The following PAXBP1 variants were observed in gnomAD, a reference collection of about 807,000 sequenced individuals.
PAXBP1 encodes PAX3 and PAX7 binding protein 1.
A neutral mutation model predicts 119.9 loss-of-function variants in PAXBP1; 44 were observed. The observed-to-expected ratio is 0.37, with a 90% confidence interval of 0.29 to 0.47. The LOEUF (loss-of-function observed/expected upper bound fraction) is 0.47. Among genes scored for constraint, PAXBP1 ranks in the 20% least tolerant of loss-of-function variants. The pLI is 0.99. For synonymous variants in PAXBP1, 393 were observed against 406.6 expected (o/e 0.97, Z 0.40); for missense variants, 898 against 1,134.1 (o/e 0.79, Z 2.99).
intron 11 of PAXBP1, among the ~76,000 whole-genome samples, chr21:32,746,254 A>G (rs775727870): frequency 6.6e-6 from 1 of 152,234 alleles, no homozygotes; most frequent in Non-Finnish European, 1.5e-5. Flanking sequence ...AACAAAAGCA[A>G]AAATTGACAA....
chr21:32,764,710 TGTGA>T (rs2044211263), intron 2 of PAXBP1, among the ~76,000 whole-genome samples, 186 bp from the exon 3 acceptor site: 2 of 152,332 alleles, frequency 1.3e-5, no homozygotes, highest in Admixed American at 1.3e-4. Context: ...CTCTTGAGTG[TGTGA>T]GTATGAAACA....
At chr21:32,769,246 C>T (rs1442606592) in intron 2 of PAXBP1, among the ~76,000 whole-genome samples, 1 of 152,010 alleles carries the variant, frequency 6.6e-6, no homozygotes, top group Non-Finnish European at 1.5e-5. Flanking sequence ...GACAAAATAA[C>T]CGCTTAAAAT....
At chr21:32,741,605 G>GA in intron 15 of PAXBP1, 1 of 755,560 alleles carries the variant, frequency 1.3e-6, no homozygotes, top group Non-Finnish European at 2.4e-6. Context: ...ACCCTCTCTG[G>GA]AATGGGGGTT....
intron 15 of PAXBP1, chr21:32,741,325 T>G: frequency 4.6e-6 from 2 of 437,010 alleles, no homozygotes; most frequent in South Asian, 3.6e-5. Flanking sequence ...TGAAAATTAC[T>G]GACAAGAGGC....
At chr21:32,748,945 T>C (rs1163209504) in intron 10 of PAXBP1, among the ~76,000 whole-genome samples, 1 of 152,222 alleles carries the variant, frequency 6.6e-6, no homozygotes, top group African/African-American at 2.4e-5. Context: ...CTACCACAGT[T>C]TGGCTAAATA....
intron 10 of PAXBP1, among the ~76,000 whole-genome samples, 157 bp downstream of exon 10, chr21:32,750,760 A>G (rs1373866776): frequency 2.0e-5 from 3 of 152,204 alleles, no homozygotes; most frequent in Non-Finnish European, 2.9e-5. Context: ...TCATCATGAT[A>G]TTCACTAATA....
intron 2 of PAXBP1, among the ~76,000 whole-genome samples, chr21:32,765,020 T>A (rs1359225235): frequency 6.6e-6 from 1 of 152,208 alleles, no homozygotes; most frequent in Non-Finnish European, 1.5e-5. Flanking sequence ...ATGGAATACC[T>A]TCTTAGCTCA....
At chr21:32,769,301 T>C (rs182485672) in intron 2 of PAXBP1, among the ~76,000 whole-genome samples, 1 of 152,244 alleles carries the variant, frequency 6.6e-6, no homozygotes, top group African/African-American at 2.4e-5. Context: ...GTCTGTACAA[T>C]ATACCTGCCT....
At chr21:32,767,106 C>T (rs752928014) in intron 2 of PAXBP1, among the ~76,000 whole-genome samples, 27 of 152,192 alleles carry the variant, frequency 1.8e-4, no homozygotes, top group Non-Finnish European at 3.1e-4. Flanking sequence ...AAGCACCACC[C>T]CCAAATCTAC....
intron 16 of PAXBP1, among the ~76,000 whole-genome samples, chr21:32,737,966 G>GATAT (rs112423516): frequency 6.0e-5 from 9 of 150,354 alleles, no homozygotes; most frequent in African/African-American, 1.5e-4. Context: ...GATATAGATG[G>GATAT]ATATATATAT....
Position 32,769,823 on chromosome 21 carries a change from ATGAGT to A in PAXBP1, c.458_462del (p.Asn153IlefsTer3). 1.9e-6 allele frequency: 3 copies of A among 1,601,012 alleles called. No individual in the cohort carries two copies. The highest frequency in any genetic ancestry group is 2.5e-6 in the Non-Finnish European group (3 of 1,176,870). ...TTAGTTTGGTACTTACTTTCAGCTG[ATGAGT>A]TGAGTTCTGTCTTAATCTTCGATTT... On this transcript the variant is annotated frameshift_variant, in exon 2 of 18. Transcript: ENST00000331923. LOFTEE classifies it high-confidence loss of function.
chr21:32,766,679 C>T (rs769614964), intron 2 of PAXBP1, among the ~76,000 whole-genome samples: 72 of 152,178 alleles, frequency 4.7e-4, no homozygotes, highest in Non-Finnish European at 9.6e-4. Context: ...TTGATTTCAC[C>T]CAACCTAACC....
chr21:32,769,717 G>T, intron 2 of PAXBP1, 97 bp downstream of exon 2: 1 of 1,283,136 alleles, frequency 7.8e-7, no homozygotes, highest in Non-Finnish European at 1.1e-6. Flanking sequence ...ACAACCACAG[G>T]GTCCACTGAA....
intron 10 of PAXBP1, among the ~76,000 whole-genome samples, chr21:32,750,397 A>G (rs1170108631): frequency 2.0e-5 from 3 of 152,274 alleles, no homozygotes; most frequent in East Asian, 1.9e-4. Context: ...AGCTTCTCCA[A>G]CTAAGTTCCA....
At position 32,771,574 on chromosome 21, in the gene PAXBP1, A is replaced by G. The variant is rs1417515159; in HGVS notation, c.95T>C (p.Leu32Ser). 2 of 1,435,484 alleles carry G rather than the reference A, an allele frequency of 1.4e-6. No individual in the cohort carries two copies. Among genetic ancestry groups the G allele is most frequent in the African/African-American group, 1.5e-5 (1 of 67,058 alleles). The allele number at this position is 1,435,484 out of a possible 1,614,324, so 88.9% of individuals were successfully genotyped here. A position where few individuals can be genotyped will look rare whatever the true frequency, so the allele number is the denominator to read the frequency against. The change falls in exon 1 of 18, where the codon TTG (leucine) becomes TCG (serine). Residue 32 changes from leucine (L) to serine (S), a missense_variant. Leu to Ser is a moderately radical substitution (Grantham distance 145, BLOSUM62 -2). This residue lies in a region of PAXBP1 where 299 missense variants were observed against 281.4 expected (regional missense o/e 1.06). Transcript: ENST00000331923. ...TTCGCCCGTGCCCGGCGGCGGCAACAACGGCGGCGGCTCCTGCTCCTCATC... is the reference window on the plus strand; with the variant it reads ...TTCGCCCGTGCCCGGCGGCGGCAACGACGGCGGCGGCTCCTGCTCCTCATC... ...ERDEEQEPPPLLPPPGTGEEA... is the reference protein window; with the variant it reads ...ERDEEQEPPPSLPPPGTGEEA...
intron 14 of PAXBP1, 83 bp from the exon 15 acceptor site, chr21:32,743,397 A>G: frequency 1.1e-6 from 1 of 919,650 alleles, no homozygotes; most frequent in Non-Finnish European, 1.6e-6. Context: ...AGATTTTTCT[A>G]CAAAACAGGT....
chr21:32,758,032 G>C (rs1254335419), intron 7 of PAXBP1, among the ~76,000 whole-genome samples: 2 of 152,202 alleles, frequency 1.3e-5, no homozygotes, highest in Non-Finnish European at 2.9e-5. Flanking sequence ...CCTACAGAGA[G>C]GACATGGTGA....
chr21:32,758,124 T>C (rs1163214799), intron 7 of PAXBP1, among the ~76,000 whole-genome samples: 5 of 152,234 alleles, frequency 3.3e-5, no homozygotes, highest in African/African-American at 9.6e-5. Context: ...CAGGAAGACA[T>C]AGTCTGGCAA....
chr21:32,769,327 T>A lies in PAXBP1; in HGVS notation c.472+487A>T, dbSNP rs967532909. On this transcript the variant is annotated intron_variant, in intron 2 of 17. Transcript: ENST00000331923. Reference sequence around the variant, plus strand: ...ATACCTGCCTCATTATTCTAAGGAGTCTTCATCTAGTATCAGATAAGGCTG... The same window carrying A: ...ATACCTGCCTCATTATTCTAAGGAGACTTCATCTAGTATCAGATAAGGCTG... Among the ~76,000 whole-genome samples, 10 of 152,090 alleles carry A rather than the reference T, an allele frequency of 6.6e-5. No homozygotes were observed. In the South Asian group the frequency reaches 2.1e-3, roughly 32 times the overall value.
Sources: allele counts gnomAD v4.1 joint callset (sites outside exome capture counted in the v4.1 genomes callset), GRCh38; gene constraint gnomAD v4.1.1; regional missense constraint gnomAD v4.1.1; transcripts MANE v1.5; gene names NCBI Gene and HGNC (gene_info 2026-07-23, HGNC 2026-07-21).